Variants in MYRIP observed in about 807,000 individuals in gnomAD.
The protein encoded by MYRIP is rab effector MyRIP.
MYRIP carries 49 observed loss-of-function variants against 98.0 expected under a neutral mutation model. That is an observed-to-expected ratio of 0.50 (90% CI 0.40 to 0.63). The LOEUF is 0.63. MYRIP is among the 30% of genes least tolerant of loss of function. The pLI is 0.00. For synonymous variants in MYRIP, 404 were observed against 409.5 expected, an observed-to-expected ratio of 0.99 and a Z score of 0.16; for missense variants, 1,004 against 1,058.2, an observed-to-expected ratio of 0.95 and a Z score of 0.71.
chr3:39,885,691 T>G (rs1353909021), intron 1 of MYRIP, among the ~76,000 whole-genome samples: 1 of 151,976 alleles, frequency 6.6e-6, no homozygotes, highest in Non-Finnish European at 1.5e-5. Flanking sequence ...AGGCTTTGCT[T>G]GTTTCTTTTT....
chr3:40,218,653 TATACATAC>T, intron 11 of MYRIP, among the ~76,000 whole-genome samples: 1 of 132,182 alleles, frequency 7.6e-6, no homozygotes, highest in Non-Finnish European at 1.6e-5. Context: ...TATATATATA[TATACATAC>T]ACACACATAC....
chr3:39,822,868 CTT>C (rs35751546), intron 1 of MYRIP, among the ~76,000 whole-genome samples: 2,559 of 146,814 alleles, frequency 0.017, 33 homozygotes, highest in Non-Finnish European at 0.029. Context: ...GGATTTGATT[CTT>C]TTTTTTTTTT....
At chr3:40,063,917 C>A (rs4511826) in intron 3 of MYRIP, among the ~76,000 whole-genome samples, 14,237 of 152,062 alleles carry the variant, frequency 0.094, 773 homozygotes, top group East Asian at 0.22. Flanking sequence ...GTGGCTAGAG[C>A]AACAACATGA....
intron 11 of MYRIP, 89 bp downstream of exon 11, chr3:40,210,182 G>T (rs1951885299): frequency 6.8e-7 from 1 of 1,467,280 alleles, no homozygotes; most frequent in East Asian, 2.4e-5. Context: ...AAAGCTGCTG[G>T]GTCCCCAAAG....
At chr3:39,950,398 G>T (rs1469006073) in intron 2 of MYRIP, among the ~76,000 whole-genome samples, 2 of 152,066 alleles carry the variant, frequency 1.3e-5, no homozygotes, top group African/African-American at 4.8e-5. Flanking sequence ...TCATGAATTT[G>T]ACCTTTTGAT....
chr3:40,047,588 T>A (rs768663257), intron 3 of MYRIP, among the ~76,000 whole-genome samples: 1 of 152,228 alleles, frequency 6.6e-6, no homozygotes, highest in African/African-American at 2.4e-5. Flanking sequence ...GTATTATGTC[T>A]TGAGATTATT....
chr3:39,964,462 T>C (rs968158034), intron 2 of MYRIP, among the ~76,000 whole-genome samples: 1 of 152,194 alleles, frequency 6.6e-6, no homozygotes, highest in African/African-American at 2.4e-5. Context: ...CTCTGCTCTC[T>C]AAGAGCCTTC....
chr3:40,053,559 T>C (rs1947831448), intron 3 of MYRIP, among the ~76,000 whole-genome samples: 1 of 152,196 alleles, frequency 6.6e-6, no homozygotes, highest in Non-Finnish European at 1.5e-5. Context: ...TTTCATTTAA[T>C]CCTTACAAGA....
chr3:40,077,920 TGCGCCC>T (rs1188499923), intron 3 of MYRIP, among the ~76,000 whole-genome samples: 1 of 149,042 alleles, frequency 6.7e-6, no homozygotes, highest in East Asian at 2.0e-4. Flanking sequence ...CCCTGCGCCC[TGCGCCC>T]GCACTCCTCA....
chr3:40,005,884 CA>C (rs1205545138), intron 2 of MYRIP, among the ~76,000 whole-genome samples: 3 of 151,988 alleles, frequency 2.0e-5, no homozygotes, highest in Admixed American at 6.6e-5. Flanking sequence ...TTAGAAATTG[CA>C]AAAAGTCTAT....
chr3:39,877,196 C>T (rs1943023759), intron 1 of MYRIP, among the ~76,000 whole-genome samples: 1 of 152,202 alleles, frequency 6.6e-6, no homozygotes, highest in South Asian at 2.1e-4. Context: ...GCTCCACCAG[C>T]TCCTTTAAGC....
Position 39,955,356 on chromosome 3 carries a change from G to C in MYRIP, c.110+54430G>C, listed in dbSNP as rs374444834. 2.2e-3 allele frequency among the ~76,000 whole-genome samples: 331 copies of C among 152,298 alleles called. 13 individuals are homozygous for C. The South Asian group carries it at 0.063, about 29-fold the overall frequency. ...TGCAGAAACTCTACAAGCCAGAAGA[G>C]AGTGGGGGCCAATATTCAACATTCT... On this transcript the variant is annotated intron_variant, in intron 2 of 16. Coordinates refer to ENST00000302541, the MANE Select transcript of MYRIP (RefSeq NM_015460.4).
intron 11 of MYRIP, among the ~76,000 whole-genome samples, chr3:40,224,801 G>A (rs1353284066): frequency 6.6e-6 from 1 of 152,194 alleles, no homozygotes; most frequent in Non-Finnish European, 1.5e-5. Flanking sequence ...ATGTGTAAAT[G>A]TTTCAGTGCA....
rs1269125044 is a variant in MYRIP, at chr3:40,162,104, T to A, written c.470-626T>A. Among the ~76,000 whole-genome samples, 7 of 152,208 alleles carry A rather than the reference T, an allele frequency of 4.6e-5. No homozygotes were observed. In the East Asian group the frequency reaches 1.3e-3, roughly 29 times the overall value. On this transcript the variant is annotated intron_variant, in intron 4 of 16. Transcript: ENST00000302541. ...CCACTCCCTACACCTCTTGGCTGAT[T>A]CTTCACTGCTTAGGTCCGCCTTCCC...
At chr3:40,072,846 A>T (rs1948261280) in intron 3 of MYRIP, among the ~76,000 whole-genome samples, 1 of 151,912 alleles carries the variant, frequency 6.6e-6, no homozygotes, top group African/African-American at 2.4e-5. Flanking sequence ...AAAAAAATGT[A>T]TATTGTGCAG....
chr3:40,241,960 A>G (rs1953029045), intron 12 of MYRIP, among the ~76,000 whole-genome samples: 1 of 152,196 alleles, frequency 6.6e-6, no homozygotes, highest in Non-Finnish European at 1.5e-5. Flanking sequence ...TAGTAACTCT[A>G]GTACCTTTAT....
chr3:40,254,821 A>G (rs912609195), intron 16 of MYRIP, among the ~76,000 whole-genome samples: 3 of 152,182 alleles, frequency 2.0e-5, no homozygotes, highest in Non-Finnish European at 2.9e-5. Flanking sequence ...GAAAATTATC[A>G]TCTAACTAAG....
chr3:39,824,038 G>A (rs918326823), intron 1 of MYRIP, among the ~76,000 whole-genome samples: 5 of 152,042 alleles, frequency 3.3e-5, no homozygotes, highest in South Asian at 4.1e-4. Flanking sequence ...TGTTTAAGGC[G>A]AGAAGTGGAG....
intron 3 of MYRIP, among the ~76,000 whole-genome samples, chr3:40,142,047 AT>A (rs768094065): frequency 0.056 from 5,393 of 95,880 alleles, 86 homozygotes; most frequent in African/African-American, 0.066. Flanking sequence ...TATGCTGTTG[AT>A]TTTTTTTTTT....
Sources: allele counts gnomAD v4.1 joint callset (sites outside exome capture counted in the v4.1 genomes callset), GRCh38; gene constraint gnomAD v4.1.1; transcripts MANE v1.5; gene names NCBI Gene and HGNC (gene_info 2026-07-23, HGNC 2026-07-21).